ABLIM2: variants seen among roughly 807,000 people sequenced by gnomAD.
ABLIM2 encodes actin binding LIM protein family member 2, also known as actin-binding LIM protein 2.
ABLIM2 carries 53 observed loss-of-function variants against 97.7 expected under a neutral mutation model. The ratio of observed to expected loss-of-function variants is 0.54; its 90% CI spans 0.44 to 0.68. The LOEUF is 0.68. Among genes scored for constraint, ABLIM2 ranks in the 30% least tolerant of loss-of-function variants. ABLIM2 has a pLI of 0.00. For missense variants in ABLIM2, 835 were observed against 867.2 expected, an observed-to-expected ratio of 0.96 and a Z score of 0.47; for synonymous variants, 361 against 345.8, an observed-to-expected ratio of 1.04 and a Z score of -0.49.
At chr4:8,091,333 T>TATA (rs1827497033) in intron 3 of ABLIM2, among the ~76,000 whole-genome samples, 1 of 24,966 alleles carries the variant, frequency 4.0e-5, no homozygotes, top group South Asian at 6.5e-4. Context: ...ATATATATTA[T>TATA]ATATATAATA....
intron 6 of ABLIM2, among the ~76,000 whole-genome samples, chr4:8,074,002 G>A (rs1182447109): frequency 6.7e-6 from 1 of 149,288 alleles, no homozygotes; most frequent in Non-Finnish European, 1.5e-5. Context: ...CAGGAGAATG[G>A]CTTGAACCCA....
chr4:8,119,960 G>C (rs1339357841), intron 1 of ABLIM2, among the ~76,000 whole-genome samples: 2 of 152,184 alleles, frequency 1.3e-5, no homozygotes, highest in East Asian at 3.9e-4. Flanking sequence ...GTGTCCTACA[G>C]CTCCTTCCGG....
chr4:8,088,148 C>G (rs1417521350), intron 4 of ABLIM2, 21 bp downstream of exon 4: 2 of 1,497,540 alleles, frequency 1.3e-6, no homozygotes, highest in East Asian at 5.6e-5. Flanking sequence ...CTCAACATGC[C>G]CCCACTCAGC....
At position 8,113,883 on chromosome 4, in the gene ABLIM2, G is replaced by T. The variant is rs1466647488; in HGVS notation, c.11-7246C>A. On this transcript the variant is annotated intron_variant, in intron 1 of 20. Transcript: ENST00000447017. The surrounding 1 kb of genome is among the most constrained non-coding windows in gnomAD (Gnocchi z 4.5). ...TTTCACACCTTTCCTTCTGACCATG[G>T]CAACGAGCAGAGCAATACAGAGAGG... Among the ~76,000 whole-genome samples the T allele has an allele frequency of 6.6e-6, 1 of 152,198 alleles. No individual in the cohort carries two copies. Among genetic ancestry groups the T allele is most frequent in the Non-Finnish European group, 1.5e-5 (1 of 68,030 alleles).
chr4:7,974,606 A>ATCC (rs1560339727), intron 20 of ABLIM2, among the ~76,000 whole-genome samples: 231 of 1,036 alleles, frequency 0.22, 4 homozygotes, highest in East Asian at 0.51. Context: ...CCTACCATCC[A>ATCC]ATCCATCCAT....
chr4:7,984,606 C>T (rs997371283), intron 18 of ABLIM2, among the ~76,000 whole-genome samples: 3 of 152,238 alleles, frequency 2.0e-5, no homozygotes, highest in Non-Finnish European at 2.9e-5. Context: ...ACAGGGCCGC[C>T]GTGGCCATGG....
chr4:8,069,651 G>A lies in ABLIM2; in HGVS notation c.675+7977C>T, dbSNP rs1326317480. Reference sequence around the variant, plus strand: ...TGTGTGCATCGTGTGTGCTGTCTTGGTTGTCTGTGTGCATTTCTGTGTGTC... The same window carrying A: ...TGTGTGCATCGTGTGTGCTGTCTTGATTGTCTGTGTGCATTTCTGTGTGTC... On this transcript the variant is annotated intron_variant, in intron 6 of 20. Coordinates refer to ENST00000447017, the MANE Select transcript of ABLIM2 (RefSeq NM_001130083.2). The surrounding 1 kb of genome is among the most constrained non-coding windows in gnomAD (Gnocchi z 4.2). Among the ~76,000 whole-genome samples the A allele has an allele frequency of 2.0e-5, 3 of 151,936 alleles. No individual in the cohort carries two copies. The highest frequency in any genetic ancestry group is 4.8e-5 in the African/African-American group (2 of 41,372).
chr4:8,100,515 G>A (rs1471741425), intron 2 of ABLIM2, among the ~76,000 whole-genome samples: 1 of 152,130 alleles, frequency 6.6e-6, no homozygotes, highest in South Asian at 2.1e-4. Context: ...GGGAGGCTGA[G>A]GGGGGCGGAT....
intron 1 of ABLIM2, among the ~76,000 whole-genome samples, chr4:8,154,205 A>C (rs55902365): frequency 9.5e-5 from 14 of 146,638 alleles, no homozygotes; most frequent in Non-Finnish European, 2.1e-4. Context: ...CTTGTGATCC[A>C]CCCGCCTCGG....
chr4:7,982,471 T>C (rs2149657201), intron 20 of ABLIM2, among the ~76,000 whole-genome samples: 1 of 152,308 alleles, frequency 6.6e-6, no homozygotes, highest in South Asian at 2.1e-4. Flanking sequence ...TAACAGAGGA[T>C]TGCACGTGCC....
At position 8,075,234 on chromosome 4, in the gene ABLIM2, A is replaced by C. The variant is rs74315616; in HGVS notation, c.675+2394T>G. ...TCCATTCATATGAAACGTCCAGAAG[A>C]GAAGTCTATGGAGACAGAAAGTAGA... On this transcript the variant is annotated intron_variant, in intron 6 of 20. Coordinates refer to ENST00000447017, the MANE Select transcript of ABLIM2 (RefSeq NM_001130083.2). This position sits in a 1 kb window ranked among gnomAD's most constrained non-coding sequence, Gnocchi z 4.4. 2.2e-3 allele frequency among the ~76,000 whole-genome samples: 270 copies of C among 125,020 alleles called. No homozygotes were observed. Among genetic ancestry groups the C allele is most frequent in the African/African-American group, 7.9e-3 (257 of 32,356 alleles). 82.0% of individuals were successfully genotyped at this position (125,020 alleles called of 152,430 possible).
At chr4:8,041,667 C>G (rs1788664119) in intron 9 of ABLIM2, among the ~76,000 whole-genome samples, 1 of 151,510 alleles carries the variant, frequency 6.6e-6, no homozygotes. Context: ...CTTTGGGAGG[C>G]CAAGGTGGGT....
chr4:8,098,398 C>T (rs141542510), intron 2 of ABLIM2, among the ~76,000 whole-genome samples: 14 of 152,320 alleles, frequency 9.2e-5, no homozygotes, highest in African/African-American at 3.1e-4. Flanking sequence ...AATATGGGCA[C>T]CTTTAAAGTT....
rs571510141 is a variant in ABLIM2, at chr4:8,072,321, G to T, written c.675+5307C>A. ...TTGCCTCCCAATCCATCAAGGGGAG[G>T]GGGGGCTGCCTGATGAAACCCACTT... On this transcript the variant is annotated intron_variant, in intron 6 of 20. Coordinates refer to ENST00000447017, the MANE Select transcript of ABLIM2 (RefSeq NM_001130083.2). The surrounding 1 kb of genome is among the most constrained non-coding windows in gnomAD (Gnocchi z 5.8). 2.6e-5 allele frequency among the ~76,000 whole-genome samples: 3 copies of T among 114,924 alleles called. No individual in the cohort carries two copies. In the South Asian group the frequency reaches 9.0e-4, roughly 35 times the overall value. 75.4% of individuals were successfully genotyped at this position (114,924 alleles called of 152,430 possible).
At position 8,082,360 on chromosome 4, in the gene ABLIM2, C is replaced by T. The variant is rs1820478028; in HGVS notation, c.455-1558G>A. On this transcript the variant is annotated intron_variant, in intron 4 of 20. Transcript: ENST00000447017. This position sits in a 1 kb window ranked among gnomAD's most constrained non-coding sequence, Gnocchi z 5.6. ...GGGGTGATCACCTCCTCACTTGGTG[C>T]CTGCCCGGATCCAGTGCTAATTTAC... Among the ~76,000 whole-genome samples the T allele has an allele frequency of 2.6e-5, 4 of 152,312 alleles. No individual in the cohort carries two copies. In the South Asian group the frequency reaches 8.3e-4, roughly 32 times the overall value.
At chr4:8,151,707 A>G (rs912048341) in intron 1 of ABLIM2, among the ~76,000 whole-genome samples, 1 of 152,106 alleles carries the variant, frequency 6.6e-6, no homozygotes, top group Admixed American at 6.6e-5. Flanking sequence ...AGATGGGTAC[A>G]CTGAGGCACA....
chr4:8,017,371 C>T (rs997259649), intron 14 of ABLIM2, among the ~76,000 whole-genome samples: 3 of 151,938 alleles, frequency 2.0e-5, no homozygotes, highest in East Asian at 1.9e-4. Flanking sequence ...ACTGCAACTT[C>T]CGCCTCCTGG....
chr4:8,079,248 C>G (rs141080165), intron 5 of ABLIM2, among the ~76,000 whole-genome samples: 2 of 152,214 alleles, frequency 1.3e-5, no homozygotes, highest in African/African-American at 4.8e-5. Flanking sequence ...AACCCACAAA[C>G]GAGTGTTATT....
At chr4:8,070,664 C>T (rs572025831) in intron 6 of ABLIM2, among the ~76,000 whole-genome samples, 158 of 152,260 alleles carry the variant, frequency 1.0e-3, no homozygotes, top group Non-Finnish European at 2.0e-3. Context: ...TGCCAGCCTC[C>T]CCTGTGGCAG....
Sources: allele counts gnomAD v4.1 joint callset (sites outside exome capture counted in the v4.1 genomes callset), GRCh38; gene constraint gnomAD v4.1.1; non-coding constraint Gnocchi (gnomAD v3.1); transcripts MANE v1.5; gene names NCBI Gene and HGNC (gene_info 2026-07-23, HGNC 2026-07-21).